The following ANO2 variants were observed in gnomAD, a reference collection of about 807,000 sequenced individuals.
ANO2 encodes the protein anoctamin 2.
In ANO2, 101 loss-of-function variants were observed where a neutral mutation model predicts 124.2. That is an observed-to-expected ratio of 0.81 (90% CI 0.69 to 0.96). ANO2 has a LOEUF of 0.96. Among genes scored for constraint, ANO2 ranks in the 40% least tolerant of loss-of-function variants. The probability of loss-of-function intolerance (pLI) is 0.00; values close to 1 mark genes in which losing one functional copy is unlikely to be tolerated. For synonymous variants in ANO2, 486 were observed against 482.5 expected (o/e 1.01, Z -0.09); for missense variants, 1,293 against 1,274.5 (o/e 1.01, Z -0.22).
chr12:5,828,185 G>A (rs528211075), intron 6 of ANO2, among the ~76,000 whole-genome samples: 4 of 152,314 alleles, frequency 2.6e-5, no homozygotes, highest in African/African-American at 7.2e-5. Context: ...CTGTGGAGTA[G>A]GGCACAGTGT....
chr12:5,572,002 C>T (rs1249789232), intron 23 of ANO2, among the ~76,000 whole-genome samples: 5 of 152,162 alleles, frequency 3.3e-5, no homozygotes, highest in Non-Finnish European at 7.4e-5. Context: ...CTATATTTCA[C>T]AGTAGGGCAT....
chr12:5,899,145 T>A (rs1940002620), intron 3 of ANO2, among the ~76,000 whole-genome samples: 1 of 152,178 alleles, frequency 6.6e-6, no homozygotes, highest in Admixed American at 6.5e-5. Flanking sequence ...CACAGTAAAC[T>A]CATTGATTGA....
chr12:5,754,402 A>G (rs987844764), intron 10 of ANO2, among the ~76,000 whole-genome samples: 3 of 152,010 alleles, frequency 2.0e-5, no homozygotes, highest in Admixed American at 6.6e-5. Context: ...CTCTGTCTGG[A>G]TTTGGTATCA....
At chr12:5,872,943 TC>T (rs1305302047) in intron 3 of ANO2, among the ~76,000 whole-genome samples, 1 of 152,102 alleles carries the variant, frequency 6.6e-6, no homozygotes, top group Non-Finnish European at 1.5e-5. Flanking sequence ...GAAACACTGC[TC>T]CCTGGTGTAC....
At chr12:5,914,252 C>T (rs1373309085) in intron 3 of ANO2, among the ~76,000 whole-genome samples, 1 of 152,000 alleles carries the variant, frequency 6.6e-6, no homozygotes, top group Non-Finnish European at 1.5e-5. Flanking sequence ...TTTTCTCAGT[C>T]CTCTCTGCTA....
intron 1 of ANO2, among the ~76,000 whole-genome samples, chr12:5,927,851 G>C (rs182779020): frequency 6.6e-6 from 1 of 152,234 alleles, no homozygotes; most frequent in Non-Finnish European, 1.5e-5. Context: ...TCCCCAGACA[G>C]TCTGGCAGGA....
intron 3 of ANO2, among the ~76,000 whole-genome samples, chr12:5,872,446 C>T (rs994863422): frequency 9.9e-5 from 15 of 152,162 alleles, no homozygotes; most frequent in African/African-American, 3.1e-4. Flanking sequence ...TGACCCCACC[C>T]AGCTCTACTG....
At position 5,756,089 on chromosome 12, in the gene ANO2, G is replaced by A. The variant is rs1381380175; in HGVS notation, c.1056-5119C>T. Among the ~76,000 whole-genome samples the A allele has an allele frequency of 2.0e-5, 3 of 151,830 alleles. No homozygotes were observed. In the East Asian group the frequency reaches 5.8e-4, roughly 30 times the overall value. ...TTCTTCCGACTGGATAATTTCAAAT[G>A]ACTTGTCTTTAAGTACAATGATTCT... On this transcript the variant is annotated intron_variant, in intron 10 of 24. Coordinates refer to ENST00000682330, the MANE Select transcript of ANO2 (RefSeq NM_001364791.2).
intron 19 of ANO2, among the ~76,000 whole-genome samples, chr12:5,606,584 A>C (rs1944231222): frequency 6.6e-6 from 1 of 152,234 alleles, no homozygotes. Context: ...TTAATTAAAA[A>C]GCAAGTTGGT....
intron 10 of ANO2, among the ~76,000 whole-genome samples, chr12:5,796,773 G>A (rs868297277): frequency 4.6e-5 from 7 of 152,298 alleles, no homozygotes; most frequent in Middle Eastern, 3.4e-3. Flanking sequence ...ATCCAGGAAC[G>A]GTGTCTCAAA....
intron 14 of ANO2, among the ~76,000 whole-genome samples, chr12:5,670,333 T>A (rs545234863): frequency 6.6e-6 from 1 of 152,194 alleles, no homozygotes; most frequent in Non-Finnish European, 1.5e-5. Context: ...TGGAGGGCAC[T>A]TCCATGCCAC....
intron 5 of ANO2, among the ~76,000 whole-genome samples, chr12:5,831,287 C>T (rs982157505): frequency 4.6e-5 from 7 of 152,276 alleles, no homozygotes; most frequent in Non-Finnish European, 8.8e-5. Flanking sequence ...GGGTGAAGCG[C>T]GTGCTTCTGG....
chr12:5,936,588 G>C (rs1324490067), intron 1 of ANO2, among the ~76,000 whole-genome samples: 2 of 152,196 alleles, frequency 1.3e-5, no homozygotes, highest in African/African-American at 4.8e-5. Flanking sequence ...CCAGCCTGGA[G>C]AACTGTAAGA....
intron 3 of ANO2, among the ~76,000 whole-genome samples, chr12:5,914,971 C>A (rs982030015): frequency 6.6e-6 from 1 of 152,162 alleles, no homozygotes; most frequent in Non-Finnish European, 1.5e-5. Flanking sequence ...GGTGGGCCGA[C>A]CAGACCTCCC....
chr12:5,918,461 A>G (rs1941506304), intron 3 of ANO2, among the ~76,000 whole-genome samples: 2 of 141,528 alleles, frequency 1.4e-5, no homozygotes, highest in Non-Finnish European at 1.5e-5. Flanking sequence ...TTTTTTTGAG[A>G]CAGAGTCTCC....
intron 6 of ANO2, among the ~76,000 whole-genome samples, chr12:5,829,081 C>T (rs566109617): frequency 1.3e-5 from 2 of 152,294 alleles, no homozygotes; most frequent in South Asian, 4.2e-4. Flanking sequence ...TCCCATATTC[C>T]AGCCACAGCC....
Position 5,577,939 on chromosome 12 carries a change from G to A in ANO2, c.2439+16C>T. ...CCTTCCCACAGAGCGAGTGTGTCATGAATGCAAGTACTTACGTTGCTGATA... is the reference window on the plus strand; with the variant it reads ...CCTTCCCACAGAGCGAGTGTGTCATAAATGCAAGTACTTACGTTGCTGATA... On this transcript the variant is annotated intron_variant, in intron 22 of 24. Coordinates refer to ENST00000682330, the MANE Select transcript of ANO2 (RefSeq NM_001364791.2). 2 of 1,611,972 alleles carry A rather than the reference G, an allele frequency of 1.2e-6. No homozygotes were observed. Among genetic ancestry groups the A allele is most frequent in the Middle Eastern group, 1.7e-4 (1 of 6,058 alleles).
At chr12:5,587,869 T>C (rs1943196833) in intron 20 of ANO2, among the ~76,000 whole-genome samples, 1 of 151,070 alleles carries the variant, frequency 6.6e-6, no homozygotes, top group African/African-American at 2.4e-5. Context: ...TCGCAGCCCC[T>C]CCCCCAAGCC....
intron 13 of ANO2, among the ~76,000 whole-genome samples, chr12:5,736,302 C>G (rs1950860971): frequency 6.6e-6 from 1 of 152,122 alleles, no homozygotes; most frequent in Non-Finnish European, 1.5e-5. Flanking sequence ...TTCTACCCCT[C>G]CTGGGGTGAC....
Sources: allele counts gnomAD v4.1 joint callset (sites outside exome capture counted in the v4.1 genomes callset), GRCh38; gene constraint gnomAD v4.1.1; transcripts MANE v1.5; gene names NCBI Gene and HGNC (gene_info 2026-07-23, HGNC 2026-07-21).